Variants in PPP3CC observed in about 807,000 individuals in gnomAD.
The protein encoded by PPP3CC is protein phosphatase 3 catalytic subunit gamma.
Under a neutral mutation model 60.3 loss-of-function variants are expected in PPP3CC, and 35 were observed. That is an observed-to-expected ratio of 0.58 (90% CI 0.44 to 0.77). The LOEUF is 0.77. Ranked by LOEUF, PPP3CC falls within the 30% of genes least tolerant of loss-of-function variation. PPP3CC has a pLI of 0.00. For missense variants in PPP3CC, 570 were observed against 628.9 expected (o/e 0.91, Z 1.00); for synonymous variants, 206 against 224.3 (o/e 0.92, Z 0.73).
At chr8:22,526,732 G>A (rs1586866318) in intron 8 of PPP3CC, among the ~76,000 whole-genome samples, 1 of 152,186 alleles carries the variant, frequency 6.6e-6, no homozygotes, top group African/African-American at 2.4e-5. Context: ...AAGAAAATCA[G>A]TTTGGCATCA....
At chr8:22,465,854 ATTC>A (rs1837504727) in intron 1 of PPP3CC, among the ~76,000 whole-genome samples, 1 of 152,082 alleles carries the variant, frequency 6.6e-6, no homozygotes, top group Non-Finnish European at 1.5e-5. Context: ...TTAAAAAATT[ATTC>A]TTTAAGTTCT....
Position 22,475,110 on chromosome 8 carries a change from G to A in PPP3CC, c.206G>A (p.Arg69Lys). ...ATCAATGATGGGGCTGCCATCCTGAGGCAAGAGAAGACTATGATAGAAGTA... is the reference window on the plus strand; with the variant it reads ...ATCAATGATGGGGCTGCCATCCTGAAGCAAGAGAAGACTATGATAGAAGTA... ...KIINDGAAIL[R>K]QEKTMIEVDA... The change falls in exon 2 of 14, where the codon AGG becomes AAG. Residue 69 changes from arginine (R) to lysine (K), a missense_variant. Transcript: ENST00000240139. 1 of 1,613,334 alleles carries A rather than the reference G, an allele frequency of 6.2e-7. No homozygotes were observed. Among genetic ancestry groups the A allele is most frequent in the South Asian group, 1.1e-5 (1 of 90,988 alleles).
intron 12 of PPP3CC, among the ~76,000 whole-genome samples, chr8:22,535,330 G>A (rs1446505413): frequency 6.6e-6 from 1 of 152,080 alleles, no homozygotes; most frequent in Non-Finnish European, 1.5e-5. Context: ...CATGCAAGGG[G>A]AAGAGACAGG....
intron 8 of PPP3CC, among the ~76,000 whole-genome samples, chr8:22,524,110 T>A (rs1839478860): frequency 6.6e-6 from 1 of 152,200 alleles, no homozygotes; most frequent in African/African-American, 2.4e-5. Flanking sequence ...TTGTTCAAAA[T>A]ATAAATTACT....
chr8:22,482,410 G>C (rs1159038669), intron 3 of PPP3CC, among the ~76,000 whole-genome samples: 1 of 152,070 alleles, frequency 6.6e-6, no homozygotes, highest in Admixed American at 6.6e-5. Context: ...ATTTGTTTAA[G>C]TTCATTATAG....
intron 3 of PPP3CC, among the ~76,000 whole-genome samples, chr8:22,485,915 A>G (rs1437312421): frequency 6.6e-6 from 1 of 152,144 alleles, no homozygotes; most frequent in Non-Finnish European, 1.5e-5. Flanking sequence ...AGTGGGTAAA[A>G]TTAGCCTTAG....
chr8:22,490,505 A>T (rs1263535743), intron 3 of PPP3CC, among the ~76,000 whole-genome samples: 1 of 152,110 alleles, frequency 6.6e-6, no homozygotes, highest in Non-Finnish European at 1.5e-5. Context: ...CACAACGTGC[A>T]GGTTTGTTAC....
chr8:22,452,789 T>C (rs765980251), intron 1 of PPP3CC, among the ~76,000 whole-genome samples: 31 of 150,216 alleles, frequency 2.1e-4, no homozygotes, highest in Non-Finnish European at 3.6e-4. Context: ...ATATATGTTA[T>C]GGTAGGTGCT....
chr8:22,491,154 T>C (rs1172088153), intron 3 of PPP3CC, among the ~76,000 whole-genome samples: 2 of 152,224 alleles, frequency 1.3e-5, no homozygotes, highest in Non-Finnish European at 2.9e-5. Context: ...CACCCTCATA[T>C]AAATCTACCA....
chr8:22,460,092 G>A (rs926244165), intron 1 of PPP3CC, among the ~76,000 whole-genome samples: 1 of 152,094 alleles, frequency 6.6e-6, no homozygotes, highest in Non-Finnish European at 1.5e-5. Flanking sequence ...GATATATACT[G>A]ACATCTTAAC....
chr8:22,476,556 G>A (rs1209740671), intron 3 of PPP3CC, among the ~76,000 whole-genome samples: 1 of 152,176 alleles, frequency 6.6e-6, no homozygotes, highest in Non-Finnish European at 1.5e-5. Context: ...AGCAGCAGTT[G>A]CTCTATTGCT....
chr8:22,450,805 T>A (rs890141593), intron 1 of PPP3CC, among the ~76,000 whole-genome samples: 4 of 89,362 alleles, frequency 4.5e-5, no homozygotes, highest in Admixed American at 2.4e-4. Flanking sequence ...TTATTTTTAT[T>A]TATTTATTTA....
intron 8 of PPP3CC, among the ~76,000 whole-genome samples, chr8:22,524,381 C>T (rs2117125027): frequency 6.6e-6 from 1 of 152,174 alleles, no homozygotes; most frequent in African/African-American, 2.4e-5. Context: ...TTAGTGTGTC[C>T]TCCAGTGACT....
At position 22,528,547 on chromosome 8, in the gene PPP3CC, G is replaced by A. The variant is rs1839621903; in HGVS notation, c.1111G>A (p.Asp371Asn). 1 of 1,564,964 alleles carries A rather than the reference G, an allele frequency of 6.4e-7. No homozygotes were observed. The highest frequency in any genetic ancestry group is 1.3e-5 in the African/African-American group (1 of 74,400). Reference protein sequence around the residue: ...LVNVLNICSDDELISDDEAEG... With the variant: ...LVNVLNICSDNELISDDEAEG... ...AAATGTGCTCAACATATGCTCTGATGACGAACTGATTTCTGATGATGAAGC... is the reference window on the plus strand; with the variant it reads ...AAATGTGCTCAACATATGCTCTGATAACGAACTGATTTCTGATGATGAAGC... Residue 371 changes from aspartate (D) to asparagine (N), a missense_variant, in exon 10 of 14, where the codon GAC (aspartate) becomes AAC (asparagine). Transcript: ENST00000240139.
At chr8:22,484,907 T>C (rs1838178916) in intron 3 of PPP3CC, among the ~76,000 whole-genome samples, 1 of 152,186 alleles carries the variant, frequency 6.6e-6, no homozygotes, top group Non-Finnish European at 1.5e-5. Flanking sequence ...AGGGGAAAGC[T>C]CTAGAGAGGA....
intron 3 of PPP3CC, among the ~76,000 whole-genome samples, chr8:22,493,757 C>G (rs1435852641): frequency 6.6e-6 from 1 of 152,066 alleles, no homozygotes; most frequent in African/African-American, 2.4e-5. Flanking sequence ...AAGGACCTGC[C>G]TGGGGATGTT....
rs144309753 is a variant in PPP3CC at position 22,498,980 on chromosome 8, C to T, written c.484+868C>T. On this transcript the variant is annotated intron_variant, in intron 4 of 13. Coordinates refer to ENST00000240139, the MANE Select transcript of PPP3CC (RefSeq NM_005605.5). ...CTCTACTCAAAATACAAAAATTAGC[C>T]GGGTGTGGTCGTGCGTGCCTGTAAT... Among the ~76,000 whole-genome samples, 496 of 151,786 alleles carry T rather than the reference C, an allele frequency of 3.3e-3. 3 individuals carry two copies. The highest frequency in any genetic ancestry group is 0.011 in the African/African-American group (459 of 41,390).
chr8:22,503,639 A>T (rs762944538), intron 4 of PPP3CC, among the ~76,000 whole-genome samples: 71 of 152,144 alleles, frequency 4.7e-4, no homozygotes, highest in Non-Finnish European at 9.1e-4. Context: ...GATTTTTTTG[A>T]CAGACTATTT....
intron 3 of PPP3CC, among the ~76,000 whole-genome samples, chr8:22,481,957 C>T (rs1347798579): frequency 6.6e-6 from 1 of 152,096 alleles, no homozygotes; most frequent in East Asian, 1.9e-4. Flanking sequence ...GGGTTGGTTC[C>T]AAGTCTTTAC....
Sources: gnomAD v4.1 joint callset for allele counts (sites outside exome capture counted in the v4.1 genomes callset) on GRCh38, gnomAD v4.1.1 for gene constraint, MANE v1.5 for transcripts, NCBI Gene and HGNC (gene_info 2026-07-23, HGNC 2026-07-21) for gene names.